The following CAPN14 variants were observed in gnomAD, a reference collection of about 807,000 sequenced individuals.
CAPN14 encodes calpain-14.
Under a neutral mutation model 101.3 loss-of-function variants are expected in CAPN14, and 94 were observed. The ratio of observed to expected loss-of-function variants is 0.93; its 90% CI spans 0.79 to 1.10. CAPN14 has a LOEUF of 1.10. Among genes scored for constraint, CAPN14 ranks in the 50% least tolerant of loss-of-function variants. CAPN14 has a pLI of 0.00. For synonymous variants in CAPN14, 338 were observed against 317.9 expected, an observed-to-expected ratio of 1.06 and a Z score of -0.67; for missense variants, 837 against 828.4, an observed-to-expected ratio of 1.01 and a Z score of -0.13.
At chr2:31,204,883 G>C (rs1053176872) in intron 2 of CAPN14, among the ~76,000 whole-genome samples, 5 of 152,176 alleles carry the variant, frequency 3.3e-5, no homozygotes, top group African/African-American at 4.8e-5. Context: ...ATTTATGGCT[G>C]GTCGTGAGTA....
intron 1 of CAPN14, among the ~76,000 whole-genome samples, chr2:31,227,954 G>A (rs778530418): frequency 8.5e-5 from 13 of 152,182 alleles, no homozygotes; most frequent in African/African-American, 1.7e-4. Context: ...TTCAGAGGGC[G>A]GACCACCACA....
Position 31,177,828 on chromosome 2 carries a change from A to T in CAPN14, c.1780-7T>A. On this transcript the variant is annotated splice_region_variant and splice_polypyrimidine_tract_variant and intron_variant, in intron 18 of 21. Transcript: ENST00000403897. Reference sequence around the variant, plus strand: ...CTTGCTTGTGGAAAACCTTCTGCAAAGAACCAAATAAGAGGTTCAGGAAGC... The same window carrying T: ...CTTGCTTGTGGAAAACCTTCTGCAATGAACCAAATAAGAGGTTCAGGAAGC... 1 of 1,551,176 alleles carries T rather than the reference A, an allele frequency of 6.4e-7. No individual in the cohort carries two copies. The highest frequency in any genetic ancestry group is 8.7e-7 in the Non-Finnish European group (1 of 1,146,366).
intron 2 of CAPN14, among the ~76,000 whole-genome samples, chr2:31,204,018 A>G (rs578011018): frequency 1.3e-5 from 2 of 152,318 alleles, no homozygotes; most frequent in South Asian, 4.1e-4. Context: ...TGTTTCATGA[A>G]CCTGTTTTGG....
At chr2:31,185,502 T>C (rs1680858545) in intron 16 of CAPN14, among the ~76,000 whole-genome samples, 1 of 152,234 alleles carries the variant, frequency 6.6e-6, no homozygotes, top group Non-Finnish European at 1.5e-5. Context: ...ATTTTGTATA[T>C]ATGCAATCAA....
In CAPN14 at chr2:31,181,038, C is replaced by T. The variant is rs755168692; in HGVS notation, c.1646-38G>A. The T allele has an allele frequency of 3.3e-5, 50 of 1,528,036 alleles. 1 individual carries two copies. The South Asian group carries it at 5.6e-4, about 17-fold the overall frequency. The allele number at this position is 1,528,036 out of a possible 1,614,324, so 94.7% of individuals were successfully genotyped here. A position where few individuals can be genotyped will look rare whatever the true frequency, so the allele number is the denominator to read the frequency against. ...GAAAGAGTCCACATGGGGGCTGGCC[C>T]CAGGTCTGCACACCCCTTTTCTGAG... On this transcript the variant is annotated intron_variant, in intron 16 of 21. Transcript: ENST00000403897.
At chr2:31,192,378 G>A (rs1027054579) in intron 10 of CAPN14, among the ~76,000 whole-genome samples, 3 of 152,308 alleles carry the variant, frequency 2.0e-5, no homozygotes, top group Admixed American at 6.5e-5. Flanking sequence ...CCACAAGCAT[G>A]TGCTACCTGA....
chr2:31,175,515 T>C (rs940167735), intron 21 of CAPN14, among the ~76,000 whole-genome samples: 21 of 152,186 alleles, frequency 1.4e-4, no homozygotes, highest in Non-Finnish European at 2.1e-4. Context: ...GGTGCCACAT[T>C]TGTGTTGTCC....
upstream of CAPN14, among the ~76,000 whole-genome samples, chr2:31,217,963 G>T (rs1442074769): frequency 6.6e-6 from 1 of 152,152 alleles, no homozygotes; most frequent in African/African-American, 2.4e-5. Context: ...TTTCTTTTAT[G>T]GTTGTCAGAG....
At chr2:31,187,361 C>T (rs369683251) in intron 15 of CAPN14, among the ~76,000 whole-genome samples, 9 of 152,198 alleles carry the variant, frequency 5.9e-5, no homozygotes, top group African/African-American at 2.2e-4. Flanking sequence ...GGCCCCTTCT[C>T]CCTGCGCTCC....
chr2:31,193,421 T>G, intron 9 of CAPN14, 127 bp from the exon 10 acceptor site: 1 of 923,060 alleles, frequency 1.1e-6, no homozygotes, highest in Non-Finnish European at 1.6e-6. Flanking sequence ...CACCAGCTCT[T>G]GTGCAGAGCT....
chr2:31,181,386 T>TTTTC (rs1553390499), intron 16 of CAPN14, among the ~76,000 whole-genome samples: 1 of 131,202 alleles, frequency 7.6e-6, no homozygotes, highest in Non-Finnish European at 1.6e-5. Flanking sequence ...TCTTTTCTTT[T>TTTTC]TTTCTTTCTT....
intron 15 of CAPN14, 135 bp from the exon 16 acceptor site, chr2:31,186,620 C>T (rs558541544): frequency 3.3e-6 from 2 of 598,132 alleles, no homozygotes; most frequent in African/African-American, 1.9e-5. Context: ...AACTGGGTGC[C>T]AACCCCAGAG....
intron 12 of CAPN14, among the ~76,000 whole-genome samples, chr2:31,190,950 T>A (rs1053249339): frequency 6.6e-6 from 1 of 152,194 alleles, no homozygotes; most frequent in Non-Finnish European, 1.5e-5. Context: ...TCCTGCCACA[T>A]GTCCCCAAGC....
intron 1 of CAPN14, among the ~76,000 whole-genome samples, chr2:31,206,823 T>C (rs1272726528): frequency 6.6e-6 from 1 of 152,204 alleles, no homozygotes; most frequent in African/African-American, 2.4e-5. Flanking sequence ...CCTCCCCATT[T>C]TTCAGGTGTT....
intron 9 of CAPN14, among the ~76,000 whole-genome samples, 168 bp from the exon 10 acceptor site, chr2:31,193,462 G>A (rs1259950677): frequency 1.3e-5 from 2 of 152,138 alleles, no homozygotes; most frequent in Non-Finnish European, 2.9e-5. Context: ...AGCTGGGGCT[G>A]GCTAGATCCC....
chr2:31,184,984 G>T (rs144276626), intron 16 of CAPN14, among the ~76,000 whole-genome samples: 232 of 152,274 alleles, frequency 1.5e-3, no homozygotes, highest in African/African-American at 5.2e-3. Flanking sequence ...ATCTTAAAAT[G>T]GTCTATATCA....
chr2:31,187,728 C>G (rs1680973414), intron 15 of CAPN14, 30 bp downstream of exon 15: 1 of 1,540,450 alleles, frequency 6.5e-7, no homozygotes, highest in Non-Finnish European at 8.8e-7. Flanking sequence ...CCTGCTCTTC[C>G]TCACCCCCCA....
At chr2:31,183,143 C>A (rs1238693335) in intron 16 of CAPN14, among the ~76,000 whole-genome samples, 1 of 151,736 alleles carries the variant, frequency 6.6e-6, no homozygotes, top group Non-Finnish European at 1.5e-5. Flanking sequence ...ATGTAGAAAG[C>A]TGAAACTGGA....
At chr2:31,195,204 G>A (rs536413503) in intron 8 of CAPN14, among the ~76,000 whole-genome samples, 1 of 152,182 alleles carries the variant, frequency 6.6e-6, no homozygotes, top group African/African-American at 2.4e-5. Context: ...CTTCACAGGG[G>A]TTCCCTTGCG....
Sources: gnomAD v4.1 joint callset for allele counts (sites outside exome capture counted in the v4.1 genomes callset) on GRCh38, gnomAD v4.1.1 for gene constraint, MANE v1.5 for transcripts, NCBI Gene and HGNC (gene_info 2026-07-23, HGNC 2026-07-21) for gene names.